SEPSECS: variants seen among roughly 807,000 people sequenced by gnomAD.
The protein encoded by SEPSECS is Sep (O-phosphoserine) tRNA:Sec (selenocysteine) tRNA synthase, also known as O-phosphoseryl-tRNA(Sec) selenium transferase.
SEPSECS carries 42 observed loss-of-function variants against 52.1 expected under a neutral mutation model. That is an observed-to-expected ratio of 0.81 (90% CI 0.63 to 1.04). The LOEUF is 1.04. Ranked by LOEUF, SEPSECS falls within the 50% of genes least tolerant of loss-of-function variation. The probability of loss-of-function intolerance (pLI) is 0.00; values close to 1 mark genes in which losing one functional copy is unlikely to be tolerated. For missense variants in SEPSECS, 590 were observed against 610.6 expected (o/e 0.97, Z 0.36); for synonymous variants, 216 against 211.4 (o/e 1.02, Z -0.19).
rs184668203 is a variant in SEPSECS, at chr4:25,134,678, A to T, written c.1027-7321T>A. Among the ~76,000 whole-genome samples, 730 of 152,316 alleles carry T rather than the reference A, an allele frequency of 4.8e-3. 2 individuals carry two copies. The highest frequency in any genetic ancestry group is 0.016 in the African/African-American group (677 of 41,558). On this transcript the variant is annotated intron_variant, in intron 8 of 10. Transcript: ENST00000382103. The stretch of plus-strand genomic sequence containing the variant: ...ATTAAATAAGTTTAACTACAAAATT[A>T]CTCAAGACTTACATTAGTTTATTGT...
At chr4:25,130,954 G>A (rs1236201487) in intron 8 of SEPSECS, among the ~76,000 whole-genome samples, 1 of 152,056 alleles carries the variant, frequency 6.6e-6, no homozygotes, top group Non-Finnish European at 1.5e-5. Context: ...TTACTTAAAA[G>A]AAATGAAATA....
intron 8 of SEPSECS, among the ~76,000 whole-genome samples, chr4:25,127,685 T>A (rs140907886): frequency 5.5e-4 from 83 of 152,248 alleles, no homozygotes; most frequent in African/African-American, 1.9e-3. Flanking sequence ...CAGCAATAGA[T>A]CCTAAATGAT....
Position 25,121,604 on chromosome 4 carries a change from A to G in SEPSECS, c.*2327T>C, listed in dbSNP as rs991029363. Reference sequence around the variant, plus strand: ...GTGAAAATGACACTAGGGTGGGGACAAAGGAAAGCCTGAATAGACAGAACT... The same window carrying G: ...GTGAAAATGACACTAGGGTGGGGACGAAGGAAAGCCTGAATAGACAGAACT... On this transcript the variant is annotated 3_prime_UTR_variant, in exon 11 of 11. Transcript: ENST00000382103. 2 of 152,164 alleles carry G rather than the reference A, an allele frequency of 1.3e-5. No homozygotes were observed. Among genetic ancestry groups the G allele is most frequent in the African/African-American group, 4.8e-5 (2 of 41,452 alleles). The allele number at this position is 152,164 out of a possible 1,614,324, so 9.4% of individuals were successfully genotyped here.
At chr4:25,127,187 C>T in intron 9 of SEPSECS, 77 bp downstream of exon 9, 1 of 856,808 alleles carries the variant, frequency 1.2e-6, no homozygotes, top group East Asian at 2.5e-5. Flanking sequence ...AAAGAGTTTT[C>T]TCTCCTTCTA....
intron 8 of SEPSECS, among the ~76,000 whole-genome samples, chr4:25,128,518 T>C (rs1351362692): frequency 1.3e-5 from 2 of 151,966 alleles, no homozygotes; most frequent in East Asian, 1.9e-4. Context: ...AAATAAAATA[T>C]ATTCAATAGT....
intron 8 of SEPSECS, among the ~76,000 whole-genome samples, chr4:25,139,168 CTATT>C: frequency 6.6e-6 from 1 of 152,274 alleles, no homozygotes; most frequent in East Asian, 1.9e-4. Context: ...AGATTTGTAA[CTATT>C]TAATATCTAG....
rs770459309 is a variant in SEPSECS at position 25,155,168 on chromosome 4, G to C, written c.548-17C>G. 6.2e-7 allele frequency: 1 copy of C among 1,613,728 alleles called. No individual in the cohort carries two copies. Among genetic ancestry groups the C allele is most frequent in the African/African-American group, 1.3e-5 (1 of 75,004 alleles). On this transcript the variant is annotated splice_polypyrimidine_tract_variant and intron_variant, in intron 4 of 10. Coordinates refer to ENST00000382103, the MANE Select transcript of SEPSECS (RefSeq NM_016955.4). ...GCTCAAAACCTAACCAAACCAACCAGAAAACAAAATGTTAGTGTGAACTAA... is the reference window on the plus strand; with the variant it reads ...GCTCAAAACCTAACCAAACCAACCACAAAACAAAATGTTAGTGTGAACTAA...
At chr4:25,147,343 T>C (rs1553153) in intron 6 of SEPSECS, among the ~76,000 whole-genome samples, 124,591 of 152,172 alleles carry the variant, frequency 0.82, 51,052 homozygotes, top group South Asian at 0.85. Context: ...AAGATTTTGT[T>C]GGATTCACTA....
At chr4:25,160,481 C>CA (rs550437770), upstream of SEPSECS, 54 of 816,444 alleles carry the variant, frequency 6.6e-5, no homozygotes, top group African/African-American at 6.0e-4. Context: ...CGCCTTGGGA[C>CA]AAAAAACAAA....
At position 25,120,927 on chromosome 4, in the gene SEPSECS, A is replaced by C. The variant is rs922417684; in HGVS notation, c.*3004T>G. 12 of 152,186 alleles carry C rather than the reference A, an allele frequency of 7.9e-5. No homozygotes were observed. Among genetic ancestry groups the C allele is most frequent in the African/African-American group, 2.9e-4 (12 of 41,458 alleles). The allele number at this position is 152,186 out of a possible 1,614,324, so 9.4% of individuals were successfully genotyped here. A position where few individuals can be genotyped will look rare whatever the true frequency, so the allele number is the denominator to read the frequency against. On this transcript the variant is annotated 3_prime_UTR_variant, in exon 11 of 11. Coordinates refer to ENST00000382103, the MANE Select transcript of SEPSECS (RefSeq NM_016955.4). ...CTATGGAAGCCATAGATGTAGTCTA[A>C]GCACATTCTGTAGCCCAGTCCTCAA...
At chr4:25,139,415 TCTCA>T (rs1728970703) in intron 8 of SEPSECS, among the ~76,000 whole-genome samples, 1 of 112,870 alleles carries the variant, frequency 8.9e-6, no homozygotes, top group Non-Finnish European at 1.7e-5. Flanking sequence ...TGAGATGGAG[TCTCA>T]CTCTGTCACC....
chr4:25,125,756 G>A lies in SEPSECS; in HGVS notation c.1149C>T (p.His383=). ...CAAGCTGAGTGACAGCTTTGTCACG[G>A]TGTTCATCTAGTGTTTTAAGTGTCA... is the stretch of plus-strand genomic sequence containing the variant. ...LAMTLKTLDE[H]RDKAVTQLGS... Residue 383 remains histidine, a synonymous_variant, in exon 10 of 11, where the codon CAC becomes CAT. Transcript: ENST00000382103. 6.2e-7 allele frequency: 1 copy of A among 1,612,788 alleles called. No individual in the cohort carries two copies. Among genetic ancestry groups the A allele is most frequent in the Non-Finnish European group, 8.5e-7 (1 of 1,179,182 alleles).
chr4:25,149,877 T>C lies in SEPSECS; in HGVS notation c.804+2083A>G, dbSNP rs564041123. ...AAAGTTAAGGAATAGCAAAAAGAAA[T>C]ACCAAGGAAATGGTAAACAGTCTTT... On this transcript the variant is annotated intron_variant, in intron 6 of 10. Transcript: ENST00000382103. 1.6e-4 allele frequency among the ~76,000 whole-genome samples: 25 copies of C among 152,220 alleles called. No homozygotes were observed. The East Asian group carries it at 4.8e-3, about 29-fold the overall frequency.
At chr4:25,128,629 A>G (rs1728490216) in intron 8 of SEPSECS, among the ~76,000 whole-genome samples, 1 of 152,114 alleles carries the variant, frequency 6.6e-6, no homozygotes, top group South Asian at 2.1e-4. Flanking sequence ...CAACTATTTG[A>G]CCTAAAATTT....
At chr4:25,148,409 G>A (rs1323574555) in intron 6 of SEPSECS, among the ~76,000 whole-genome samples, 1 of 148,088 alleles carries the variant, frequency 6.8e-6, no homozygotes, top group Non-Finnish European at 1.5e-5. Context: ...TGGAGAGTGT[G>A]TAGTAAATGG....
chr4:25,160,273 G>GT lies in SEPSECS; in HGVS notation c.96dup (p.Arg33ThrfsTer16). ...CTCGGTACCTTCTCCAGAAGCAGCCGTATGAGGTGCTCATGCGAGCGGCGG... is the reference window on the plus strand; with the variant it reads ...CTCGGTACCTTCTCCAGAAGCAGCCGTTATGAGGTGCTCATGCGAGCGGCGG... On this transcript the variant is annotated frameshift_variant, in exon 1 of 11. Coordinates refer to ENST00000382103, the MANE Select transcript of SEPSECS (RefSeq NM_016955.4). LOFTEE classifies it high-confidence loss of function. The GT allele has an allele frequency of 6.4e-7, 1 of 1,556,838 alleles. No homozygotes were observed. The highest frequency in any genetic ancestry group is 1.2e-5 in the South Asian group (1 of 84,890).
At chr4:25,145,584 C>A (rs952123715) in intron 6 of SEPSECS, among the ~76,000 whole-genome samples, 9 of 152,154 alleles carry the variant, frequency 5.9e-5, no homozygotes, top group African/African-American at 2.2e-4. Context: ...TGAAACAAAG[C>A]TTTACACCTT....
At chr4:25,131,141 G>C (rs1384326171) in intron 8 of SEPSECS, among the ~76,000 whole-genome samples, 2 of 152,134 alleles carry the variant, frequency 1.3e-5, no homozygotes, top group African/African-American at 4.8e-5. Context: ...ATTATATTAA[G>C]CATTATCTTT....
intron 8 of SEPSECS, among the ~76,000 whole-genome samples, chr4:25,136,653 G>A (rs1256670332): frequency 6.6e-6 from 1 of 152,024 alleles, no homozygotes; most frequent in Non-Finnish European, 1.5e-5. Flanking sequence ...GAAATTTATA[G>A]AGTCAATGTT....
Sources: gnomAD v4.1 joint callset for allele counts (sites outside exome capture counted in the v4.1 genomes callset) on GRCh38, gnomAD v4.1.1 for gene constraint, MANE v1.5 for transcripts, NCBI Gene and HGNC (gene_info 2026-07-23, HGNC 2026-07-21) for gene names.